The following SLC24A3 variants were observed in gnomAD, a reference collection of about 807,000 sequenced individuals.
SLC24A3 encodes the protein sodium/potassium/calcium exchanger 3.
SLC24A3 carries 28 observed loss-of-function variants against 75.8 expected under a neutral mutation model. That is an observed-to-expected ratio of 0.37 (90% CI 0.27 to 0.51). The LOEUF is 0.51. SLC24A3 is among the 20% of genes least tolerant of loss of function. The pLI, the probability that SLC24A3 is intolerant of heterozygous loss-of-function variation, is 0.94. For synonymous variants in SLC24A3, 372 were observed against 334.1 expected (o/e 1.11, Z -1.24); for missense variants, 663 against 847.8 (o/e 0.78, Z 2.71).
chr20:19,366,371 T>C (rs1985891921), intron 2 of SLC24A3, among the ~76,000 whole-genome samples: 1 of 152,224 alleles, frequency 6.6e-6, no homozygotes, highest in South Asian at 2.1e-4. Flanking sequence ...GACCTTTAAA[T>C]GTCATTGATA....
chr20:19,597,532 T>G (rs947641321), intron 6 of SLC24A3, among the ~76,000 whole-genome samples: 1 of 152,152 alleles, frequency 6.6e-6, no homozygotes, highest in African/African-American at 2.4e-5. Flanking sequence ...GTATTTAGAG[T>G]GTCTGTCACC....
intron 2 of SLC24A3, among the ~76,000 whole-genome samples, chr20:19,509,783 G>A (rs960508105): frequency 2.6e-5 from 4 of 152,244 alleles, no homozygotes; most frequent in African/African-American, 4.8e-5. Context: ...GTTTGGACCA[G>A]AGGCAATGGG....
Position 19,555,051 on chromosome 20 carries a change from C to T in SLC24A3, c.349-24949C>T, listed in dbSNP as rs376561773. Among the ~76,000 whole-genome samples the T allele has an allele frequency of 9.8e-5, 15 of 152,288 alleles. No individual in the cohort carries two copies. In the East Asian group the frequency reaches 2.1e-3, roughly 22 times the overall value. ...CTATTAGGTAAAGAAGTATTATTTT[C>T]TAATTCTTTGTGGTTTCGTAAAGCC... On this transcript the variant is annotated intron_variant, in intron 3 of 16. Coordinates refer to ENST00000328041, the MANE Select transcript of SLC24A3 (RefSeq NM_020689.4).
At position 19,720,996 on chromosome 20, in the gene SLC24A3, C is replaced by T. The variant is rs148467681; in HGVS notation, c.1791C>T (p.Phe597=). 4.2e-5 allele frequency: 67 copies of T among 1,613,712 alleles called. No homozygotes were observed. Among genetic ancestry groups the T allele is most frequent in the African/African-American group, 3.3e-4 (25 of 74,974 alleles). Residue 597 remains phenylalanine, a synonymous_variant, in exon 17 of 17, where the codon TTC becomes TTT. Coordinates refer to ENST00000328041, the MANE Select transcript of SLC24A3 (RefSeq NM_020689.4). ...ACCTGTTCTGTGCCCTGCAGGTGTT[C>T]GGCGTCCACCTGAACAAGTGGCAGC... ...LLLASVFVTV[F]GVHLNKWQLD...
chr20:19,682,543 G>A (rs1044086451), intron 10 of SLC24A3, among the ~76,000 whole-genome samples: 2 of 152,220 alleles, frequency 1.3e-5, no homozygotes, highest in African/African-American at 4.8e-5. Flanking sequence ...GCAGAGAACA[G>A]GATGGCAAAG....
rs930234405 is a variant in SLC24A3, at chr20:19,554,466, G to A, written c.349-25534G>A. Among the ~76,000 whole-genome samples, 51 of 152,126 alleles carry A rather than the reference G, an allele frequency of 3.4e-4. 1 individual carries two copies. The highest frequency in any genetic ancestry group is 5.9e-5 in the Non-Finnish European group (4 of 68,028). Reference sequence around the variant, plus strand: ...GGTGGAAGAGAGATAATATTGTGATGGTAGAAATTACACTGGGCTCAGAGT... The same window carrying A: ...GGTGGAAGAGAGATAATATTGTGATAGTAGAAATTACACTGGGCTCAGAGT... On this transcript the variant is annotated intron_variant, in intron 3 of 16. Transcript: ENST00000328041.
At chr20:19,598,020 G>A (rs1269013461) in intron 6 of SLC24A3, among the ~76,000 whole-genome samples, 2 of 152,200 alleles carry the variant, frequency 1.3e-5, no homozygotes, top group Non-Finnish European at 2.9e-5. Context: ...GAACAGAGCT[G>A]CAACAAACGA....
At chr20:19,444,310 A>T (rs1987345533) in intron 2 of SLC24A3, among the ~76,000 whole-genome samples, 1 of 152,182 alleles carries the variant, frequency 6.6e-6, no homozygotes, top group African/African-American at 2.4e-5. Flanking sequence ...CATGTAATTT[A>T]TCTGGTTTGG....
intron 2 of SLC24A3, among the ~76,000 whole-genome samples, chr20:19,498,340 A>T (rs1023322906): frequency 9.9e-5 from 15 of 152,162 alleles, no homozygotes; most frequent in Admixed American, 7.9e-4. Context: ...TCCATGGAAA[A>T]ATTGTCTTCC....
At chr20:19,340,999 G>A (rs1446503473) in intron 2 of SLC24A3, among the ~76,000 whole-genome samples, 1 of 152,180 alleles carries the variant, frequency 6.6e-6, no homozygotes, top group East Asian at 1.9e-4. Flanking sequence ...TCAAGTTCAG[G>A]ACTCTTGATT....
In SLC24A3 at chr20:19,481,159, A is replaced by T. The variant is rs4482563; in HGVS notation, c.272-34329A>T. Among the ~76,000 whole-genome samples the T allele has an allele frequency of 5.6e-3, 846 of 152,322 alleles. 21 individuals carry two copies. In the East Asian group the frequency reaches 0.074, roughly 13 times the overall value. On this transcript the variant is annotated intron_variant, in intron 2 of 16. Coordinates refer to ENST00000328041, the MANE Select transcript of SLC24A3 (RefSeq NM_020689.4). ...TGCCCACGATGAGTTTCCAGTCCAG[A>T]GGAAGAAATAGATAGTATAGGCAAC...
At chr20:19,360,908 G>C (rs1985774590) in intron 2 of SLC24A3, among the ~76,000 whole-genome samples, 2 of 151,864 alleles carry the variant, frequency 1.3e-5, no homozygotes, top group South Asian at 4.1e-4. Flanking sequence ...CTCACTGCAA[G>C]CTCTGCCTCC....
intron 2 of SLC24A3, among the ~76,000 whole-genome samples, chr20:19,346,727 C>T (rs1358236492): frequency 6.6e-6 from 1 of 152,056 alleles, no homozygotes; most frequent in African/African-American, 2.4e-5. Context: ...AAAGACTACA[C>T]ATTGGATACG....
chr20:19,528,737 T>C (rs1973413157), intron 3 of SLC24A3, among the ~76,000 whole-genome samples: 1 of 152,168 alleles, frequency 6.6e-6, no homozygotes, highest in South Asian at 2.1e-4. Context: ...TTTTTCCCCT[T>C]ATTGAACTTG....
At chr20:19,394,086 T>A (rs1051086400) in intron 2 of SLC24A3, among the ~76,000 whole-genome samples, 3 of 152,172 alleles carry the variant, frequency 2.0e-5, no homozygotes, top group African/African-American at 7.2e-5. Context: ...CAACAAGAGT[T>A]CCAAGACTAT....
chr20:19,448,022 G>A (rs1289313817), intron 2 of SLC24A3, among the ~76,000 whole-genome samples: 3 of 152,202 alleles, frequency 2.0e-5, no homozygotes, highest in East Asian at 3.9e-4. Context: ...AAATGAGCTC[G>A]CTCTTCCCAG....
intron 12 of SLC24A3, among the ~76,000 whole-genome samples, chr20:19,689,588 T>A (rs1045263827): frequency 3.9e-5 from 6 of 152,204 alleles, no homozygotes; most frequent in Non-Finnish European, 8.8e-5. Context: ...TCACAGATAT[T>A]TATTAAATGA....
chr20:19,500,792 A>G (rs1234785004), intron 2 of SLC24A3, among the ~76,000 whole-genome samples: 3 of 152,196 alleles, frequency 2.0e-5, no homozygotes, highest in Non-Finnish European at 2.9e-5. Flanking sequence ...CTTCAAGTAC[A>G]TGGTAAACCA....
chr20:19,510,463 C>T (rs1988520018), intron 2 of SLC24A3, among the ~76,000 whole-genome samples: 1 of 152,226 alleles, frequency 6.6e-6, no homozygotes, highest in South Asian at 2.1e-4. Flanking sequence ...CTTGCGTCTC[C>T]TCTTCAGTTC....
Sources: allele counts gnomAD v4.1 joint callset (sites outside exome capture counted in the v4.1 genomes callset), GRCh38; gene constraint gnomAD v4.1.1; transcripts MANE v1.5; gene names NCBI Gene and HGNC (gene_info 2026-07-23, HGNC 2026-07-21).